The following KITLG variants were observed in gnomAD, a reference collection of about 807,000 sequenced individuals.
The protein encoded by KITLG is KIT ligand, also known as c-Kit ligand.
Under a neutral mutation model 34.1 loss-of-function variants are expected in KITLG, and 13 were observed. The ratio of observed to expected loss-of-function variants is 0.38; its 90% CI spans 0.25 to 0.61. KITLG has a LOEUF of 0.61. KITLG is among the 20% of genes least tolerant of loss of function. The pLI is 0.60. For missense variants in KITLG, 292 were observed against 318.9 expected, an observed-to-expected ratio of 0.92 and a Z score of 0.64; for synonymous variants, 110 against 104.0, an observed-to-expected ratio of 1.06 and a Z score of -0.35.
intron 1 of KITLG, among the ~76,000 whole-genome samples, chr12:88,564,810 C>T (rs894972901): frequency 6.6e-6 from 1 of 151,466 alleles, no homozygotes; most frequent in African/African-American, 2.4e-5. Context: ...ATTTTTTAAA[C>T]TTGGCATCAA....
At chr12:88,527,143 C>G (rs1005772222) in intron 3 of KITLG, among the ~76,000 whole-genome samples, 1 of 152,170 alleles carries the variant, frequency 6.6e-6, no homozygotes, top group Admixed American at 6.5e-5. Flanking sequence ...GCTGAGATTA[C>G]AGGCGTGAGC....
chr12:88,506,276 G>T, intron 8 of KITLG, 35 bp downstream of exon 8: 2 of 1,415,998 alleles, frequency 1.4e-6, no homozygotes, highest in Non-Finnish European at 2.0e-6. Context: ...GCAATGTCAT[G>T]CTTGATTGGG....
intron 1 of KITLG, among the ~76,000 whole-genome samples, chr12:88,568,448 C>G (rs1168314245): frequency 6.6e-6 from 1 of 152,060 alleles, no homozygotes; most frequent in Non-Finnish European, 1.5e-5. Context: ...ACATAAACCA[C>G]CATGCCCAGA....
intron 9 of KITLG, among the ~76,000 whole-genome samples, chr12:88,503,356 A>G (rs1868938085): frequency 2.0e-5 from 3 of 152,222 alleles, no homozygotes. Flanking sequence ...GACAGGAGTT[A>G]AAGCTGGAAG....
rs1429944690 is a variant in KITLG at position 88,495,369 on chromosome 12, C to T, written c.*1850G>A. ...TTTCCTGAAAACAGTCAATGCCACACACTGAGACAGGACCTATCAGCAATT... is the reference window on the plus strand; with the variant it reads ...TTTCCTGAAAACAGTCAATGCCACATACTGAGACAGGACCTATCAGCAATT... On this transcript the variant is annotated 3_prime_UTR_variant, in exon 10 of 10. Transcript: ENST00000644744. 6.6e-6 allele frequency: 1 copy of T among 152,154 alleles called. No individual in the cohort carries two copies. The highest frequency in any genetic ancestry group is 1.9e-4 in the East Asian group (1 of 5,186). 9.4% of individuals were successfully genotyped at this position (152,154 alleles called of 1,614,324 possible).
At chr12:88,533,610 T>G (rs576274875) in intron 2 of KITLG, among the ~76,000 whole-genome samples, 8 of 152,272 alleles carry the variant, frequency 5.3e-5, no homozygotes, top group Admixed American at 2.6e-4. Flanking sequence ...TAAGATAACA[T>G]ATATTAAAAA....
intron 2 of KITLG, among the ~76,000 whole-genome samples, chr12:88,543,292 T>G (rs145071916): frequency 2.4e-4 from 36 of 152,196 alleles, no homozygotes; most frequent in African/African-American, 8.7e-4. Context: ...CCCCAGTGTG[T>G]AATGTTCCCC....
intron 2 of KITLG, among the ~76,000 whole-genome samples, chr12:88,537,064 A>G (rs1870345706): frequency 1.3e-5 from 2 of 152,286 alleles, no homozygotes; most frequent in East Asian, 3.9e-4. Context: ...GCCACTGTGG[A>G]AAGAAATTTG....
intron 1 of KITLG, among the ~76,000 whole-genome samples, chr12:88,576,809 C>A (rs961923857): frequency 2.6e-5 from 4 of 152,040 alleles, no homozygotes; most frequent in Non-Finnish European, 5.9e-5. Context: ...ATGTAAAAAA[C>A]CTCCAATACC....
chr12:88,536,864 T>C (rs1870337909), intron 2 of KITLG, among the ~76,000 whole-genome samples: 1 of 152,100 alleles, frequency 6.6e-6, no homozygotes, highest in Non-Finnish European at 1.5e-5. Context: ...AGGATAGCAC[T>C]AGGAGAAATA....
chr12:88,493,997 T>G lies in KITLG; in HGVS notation c.*3222A>C, dbSNP rs1172392364. 6.6e-6 allele frequency: 1 copy of G among 151,702 alleles called. No homozygotes were observed. The highest frequency in any genetic ancestry group is 1.9e-4 in the East Asian group (1 of 5,182). The allele number at this position is 151,702 out of a possible 1,614,324, so 9.4% of individuals were successfully genotyped here. Reference sequence around the variant, plus strand: ...AGATACTTATTCACAGAATCCAGAGTTGGATATTTTGTATGGGTTAGTTTC... The same window carrying G: ...AGATACTTATTCACAGAATCCAGAGGTGGATATTTTGTATGGGTTAGTTTC... On this transcript the variant is annotated 3_prime_UTR_variant, in exon 10 of 10. Transcript: ENST00000644744.
intron 1 of KITLG, among the ~76,000 whole-genome samples, chr12:88,550,461 C>T (rs749098562): frequency 5.9e-5 from 9 of 152,076 alleles, no homozygotes; most frequent in Non-Finnish European, 1.0e-4. Flanking sequence ...TCAGGCAGAG[C>T]GCTGGAATGT....
In KITLG at chr12:88,499,874, T is replaced by C. The variant is rs1003843727; in HGVS notation, c.*38-2693A>G. ...TCTCTCTCACATCTTATTTAAAGAC[T>C]GGCCTGGTAAGTGGACTCAATTTCT... On this transcript the variant is annotated intron_variant, in intron 9 of 9. Coordinates refer to ENST00000644744, the MANE Select transcript of KITLG (RefSeq NM_000899.5). 2.6e-5 allele frequency among the ~76,000 whole-genome samples: 4 copies of C among 152,342 alleles called. No homozygotes were observed. In the East Asian group the frequency reaches 5.8e-4, roughly 22 times the overall value.
intron 1 of KITLG, among the ~76,000 whole-genome samples, chr12:88,570,649 T>C (rs1020836609): frequency 6.6e-6 from 1 of 152,206 alleles, no homozygotes; most frequent in African/African-American, 2.4e-5. Flanking sequence ...TAGATTTAAA[T>C]AGGCTTGGCT....
intron 6 of KITLG, among the ~76,000 whole-genome samples, chr12:88,511,986 C>A (rs1183243701): frequency 6.6e-6 from 1 of 152,104 alleles, no homozygotes; most frequent in Admixed American, 6.6e-5. Context: ...GCATAGAATT[C>A]ATAATATCCA....
intron 1 of KITLG, among the ~76,000 whole-genome samples, chr12:88,560,214 T>G (rs1175947804): frequency 2.0e-5 from 3 of 152,216 alleles, no homozygotes; most frequent in Non-Finnish European, 4.4e-5. Context: ...CTATTAATGC[T>G]CTAATTATTA....
chr12:88,548,037 T>C (rs1189380248), intron 1 of KITLG, among the ~76,000 whole-genome samples: 2 of 152,240 alleles, frequency 1.3e-5, no homozygotes, highest in African/African-American at 4.8e-5. Context: ...GGGATCATAA[T>C]GTCTACTCTG....
chr12:88,536,104 G>A (rs1268755888), intron 2 of KITLG, among the ~76,000 whole-genome samples: 1 of 152,082 alleles, frequency 6.6e-6, no homozygotes, highest in Non-Finnish European at 1.5e-5. Context: ...TACTAACAGA[G>A]TAAATAGACA....
chr12:88,515,658 T>C (rs1337746032), intron 5 of KITLG, 41 bp from the exon 6 acceptor site: 1 of 1,434,680 alleles, frequency 7.0e-7, no homozygotes, highest in African/African-American at 1.4e-5. Context: ...ATATGGTGAT[T>C]TGTATGAGTT....
Sources: allele counts gnomAD v4.1 joint callset (sites outside exome capture counted in the v4.1 genomes callset), GRCh38; gene constraint gnomAD v4.1.1; transcripts MANE v1.5; gene names NCBI Gene and HGNC (gene_info 2026-07-23, HGNC 2026-07-21).